UNC119B: variants seen among roughly 807,000 people sequenced by gnomAD.
The protein encoded by UNC119B is protein unc-119 homolog B.
A neutral mutation model predicts 23.4 loss-of-function variants in UNC119B; 16 were observed. The ratio of observed to expected loss-of-function variants is 0.68; its 90% CI spans 0.46 to 1.04. The LOEUF is 1.04. UNC119B is among the 50% of genes least tolerant of loss of function. UNC119B has a pLI of 0.00. For synonymous variants in UNC119B, 144 were observed against 145.4 expected, an observed-to-expected ratio of 0.99 and a Z score of 0.07; for missense variants, 350 against 361.3, an observed-to-expected ratio of 0.97 and a Z score of 0.25.
Position 120,721,460 on chromosome 12 carries a change from G to A in UNC119B, c.*1428G>A, listed in dbSNP as rs1282006028. On this transcript the variant is annotated 3_prime_UTR_variant, in exon 5 of 5. Coordinates refer to ENST00000344651, the MANE Select transcript of UNC119B (RefSeq NM_001080533.3). ...TGAGGTGTCACAGTACCTGTGACAG[G>A]AGAGTGTCCTGATGTGCTTGGGAGA... 1.3e-5 allele frequency: 2 copies of A among 152,388 alleles called. No homozygotes were observed. The highest frequency in any genetic ancestry group is 3.9e-4 in the East Asian group (2 of 5,186). The allele number at this position is 152,388 out of a possible 1,614,324, so 9.4% of individuals were successfully genotyped here. A position where few individuals can be genotyped will look rare whatever the true frequency, so the allele number is the denominator to read the frequency against.
intron 1 of UNC119B, chr12:120,711,064 A>C: frequency 2.8e-5 from 5 of 179,206 alleles, no homozygotes; most frequent in East Asian, 1.4e-4. Flanking sequence ...TCCCCTAATA[A>C]ATGGGCCCCT....
chr12:120,719,311 G>T (rs1443363393), intron 4 of UNC119B, among the ~76,000 whole-genome samples: 2 of 152,214 alleles, frequency 1.3e-5, no homozygotes, highest in African/African-American at 2.4e-5. Context: ...CTGGGCAATT[G>T]CCTGAACAAA....
At chr12:120,715,808 C>A (rs950003918) in intron 2 of UNC119B, among the ~76,000 whole-genome samples, 1 of 152,158 alleles carries the variant, frequency 6.6e-6, no homozygotes, top group Non-Finnish European at 1.5e-5. Context: ...GCTGGGATTA[C>A]AGGCATGAGC....
rs1042292778 is a variant in UNC119B at position 120,710,772 on chromosome 12, G to T, written c.244+54G>T. 2.3e-5 allele frequency: 30 copies of T among 1,283,082 alleles called. No individual in the cohort carries two copies. In the South Asian group the frequency reaches 5.6e-4, roughly 24 times the overall value. 79.5% of individuals were successfully genotyped at this position (1,283,082 alleles called of 1,614,324 possible). On this transcript the variant is annotated intron_variant, in intron 1 of 4. Coordinates refer to ENST00000344651, the MANE Select transcript of UNC119B (RefSeq NM_001080533.3). Reference sequence around the variant, plus strand: ...CTCGCGCCGTGCCCCGGCTCCCGGAGCCTTCAGCGGACCCGGCCACTTGAC... The same window carrying T: ...CTCGCGCCGTGCCCCGGCTCCCGGATCCTTCAGCGGACCCGGCCACTTGAC...
At position 120,710,953 on chromosome 12, in the gene UNC119B, A is replaced by G. The variant is rs1302739209; in HGVS notation, c.244+235A>G. On this transcript the variant is annotated intron_variant, in intron 1 of 4. Transcript: ENST00000344651. ...TTCCTGTGAGTCCGGCCACGCTAGG[A>G]TGCCCTTCGGCCGGTCGGCTCCCCA... The G allele has an allele frequency of 1.9e-5, 5 of 257,338 alleles. No homozygotes were observed. The East Asian group carries it at 3.2e-4, about 17-fold the overall frequency. 15.9% of individuals were successfully genotyped at this position (257,338 alleles called of 1,614,324 possible).
intron 1 of UNC119B, 57 bp downstream of exon 1, chr12:120,710,775 T>G: frequency 7.8e-7 from 1 of 1,281,800 alleles, no homozygotes; most frequent in Non-Finnish European, 9.9e-7. Context: ...TCCCGGAGCC[T>G]TCAGCGGACC....
chr12:120,714,571 GTC>G (rs1882732958), intron 2 of UNC119B, among the ~76,000 whole-genome samples: 1 of 151,652 alleles, frequency 6.6e-6, no homozygotes, highest in East Asian at 1.9e-4. Flanking sequence ...GCCTGCCTTG[GTC>G]TCCCAAAGTG....
At chr12:120,715,906 G>A (rs1447762489) in intron 2 of UNC119B, among the ~76,000 whole-genome samples, 3 of 152,180 alleles carry the variant, frequency 2.0e-5, no homozygotes, top group Non-Finnish European at 2.9e-5. Context: ...CATTAACCTT[G>A]TAGAGGCCAC....
At position 120,710,593 on chromosome 12, in the gene UNC119B, C is replaced by T; in HGVS notation, c.119C>T (p.Ala40Val). The change falls in exon 1 of 5, where the codon GCG (alanine) becomes GTG (valine). Residue 40 changes from alanine (A) to valine (V), a missense_variant. Transcript: ENST00000344651. ...GGCGGCGTCCTGAACCGCCTGAAGG[C>T]GCGGCGGCAGGCGCCCCACCACGCG... Reference protein sequence around the residue: ...AGGGVLNRLKARRQAPHHAAD... With the variant: ...AGGGVLNRLKVRRQAPHHAAD... 1.4e-6 allele frequency: 2 copies of T among 1,428,814 alleles called. No individual in the cohort carries two copies. Among genetic ancestry groups the T allele is most frequent in the Middle Eastern group, 2.5e-4 (1 of 4,044 alleles). 88.5% of individuals were successfully genotyped at this position (1,428,814 alleles called of 1,614,324 possible). A position where few individuals can be genotyped will look rare whatever the true frequency, so the allele number is the denominator to read the frequency against.
At chr12:120,719,786 C>G (rs1361108046) in intron 4 of UNC119B, 134 bp from the exon 5 acceptor site, 1 of 643,878 alleles carries the variant, frequency 1.6e-6, no homozygotes. Context: ...CTGACCTCAT[C>G]GTTATTCTGG....
In UNC119B at chr12:120,720,079, TC is replaced by T; in HGVS notation, c.*49del. 1 of 1,390,018 alleles carries T rather than the reference TC, an allele frequency of 7.2e-7. No homozygotes were observed. Among genetic ancestry groups the T allele is most frequent in the Non-Finnish European group, 1.0e-6 (1 of 979,582 alleles). 86.1% of individuals were successfully genotyped at this position (1,390,018 alleles called of 1,614,324 possible). A position where few individuals can be genotyped will look rare whatever the true frequency, so the allele number is the denominator to read the frequency against. On this transcript the variant is annotated 3_prime_UTR_variant, in exon 5 of 5. Coordinates refer to ENST00000344651, the MANE Select transcript of UNC119B (RefSeq NM_001080533.3). ...GAGGTGCTTTGCCGCGGCCACAAGA[TC>T]CTGGCACACGGAGATGATCGAAGCT...
Position 120,717,010 on chromosome 12 carries a change from T to C in UNC119B, c.611T>C (p.Ile204Thr), listed in dbSNP as rs1566020263. ...IPSSRNTCEH[I>T]YEFPQLSEDV... is the part of the protein sequence containing the mutation. ...AGCAGTAGGAACACTTGTGAACATA[T>C]CTATGAGTTTCCCCAGCTTTCGGAG... is the stretch of plus-strand genomic sequence containing the variant. The change falls in exon 4 of 5, where the codon ATC (isoleucine) becomes ACC (threonine). Residue 204 changes from isoleucine (I) to threonine (T), a missense_variant. Ile to Thr is a moderately conservative substitution (Grantham distance 89, BLOSUM62 -1). Coordinates refer to ENST00000344651, the MANE Select transcript of UNC119B (RefSeq NM_001080533.3). 1 of 1,606,780 alleles carries C rather than the reference T, an allele frequency of 6.2e-7. No homozygotes were observed.
intron 2 of UNC119B, among the ~76,000 whole-genome samples, chr12:120,715,500 T>A (rs1000254956): frequency 1.1e-4 from 16 of 147,856 alleles, no homozygotes; most frequent in African/African-American, 3.7e-4. Flanking sequence ...CTATTCACAT[T>A]AGAATGCTTG....
At chr12:120,710,827 G>C in intron 1 of UNC119B, 109 bp downstream of exon 1, 5 of 1,091,082 alleles carry the variant, frequency 4.6e-6, no homozygotes, top group Non-Finnish European at 5.8e-6. Context: ...AGACCCCCTC[G>C]GCCGGCCGGG....
chr12:120,714,599 T>C (rs569006173), intron 2 of UNC119B, among the ~76,000 whole-genome samples: 2 of 152,252 alleles, frequency 1.3e-5, no homozygotes, highest in Admixed American at 6.5e-5. Context: ...ATTACAAGCG[T>C]GAGCCACCGC....
rs1169842738 is a variant in UNC119B, at chr12:120,719,985, C to G, written c.709C>G (p.Leu237Val). ...CAGCTTCTACTTTGTTGACAACAAG[C>G]TGATAATGCACAACAAGGCTGATTA... Reference protein sequence around the residue: ...SDSFYFVDNKLIMHNKADYAY... With the variant: ...SDSFYFVDNKVIMHNKADYAY... Residue 237 changes from leucine to valine, a missense_variant, in exon 5 of 5, where the codon CTG becomes GTG. Coordinates refer to ENST00000344651, the MANE Select transcript of UNC119B (RefSeq NM_001080533.3). The G allele has an allele frequency of 1.2e-6, 2 of 1,614,140 alleles. No homozygotes were observed. Among genetic ancestry groups the G allele is most frequent in the East Asian group, 2.2e-5 (1 of 44,878 alleles).
rs1462485298 is a variant in UNC119B, at chr12:120,720,455, C to G, written c.*423C>G. 6.2e-6 allele frequency: 1 copy of G among 160,666 alleles called. No homozygotes were observed. The highest frequency in any genetic ancestry group is 1.4e-5 in the Non-Finnish European group (1 of 73,810). The allele number at this position is 160,666 out of a possible 1,614,324, so 10.0% of individuals were successfully genotyped here. A position where few individuals can be genotyped will look rare whatever the true frequency, so the allele number is the denominator to read the frequency against. On this transcript the variant is annotated 3_prime_UTR_variant, in exon 5 of 5. Coordinates refer to ENST00000344651, the MANE Select transcript of UNC119B (RefSeq NM_001080533.3). ...TGCTGTGGGAAGCTGAAAGGTAGGC[C>G]TCTTCCAGGTAGCTCCTCCTCTCAC...
In UNC119B at chr12:120,713,261, C is replaced by G; in HGVS notation, c.245-13C>G. The G allele has an allele frequency of 3.4e-6, 2 of 594,520 alleles. No homozygotes were observed. Among genetic ancestry groups the G allele is most frequent in the Non-Finnish European group, 4.7e-6 (2 of 425,978 alleles). 36.8% of individuals were successfully genotyped at this position (594,520 alleles called of 1,614,324 possible). On this transcript the variant is annotated splice_polypyrimidine_tract_variant and intron_variant, in intron 1 of 4. Coordinates refer to ENST00000344651, the MANE Select transcript of UNC119B (RefSeq NM_001080533.3). ...ATTATTTAACAGTGTTGGTTTCTCT[C>G]TCTTGTTTTCAGATTATTTATGTAA...
intron 4 of UNC119B, 133 bp downstream of exon 4, chr12:120,717,175 C>T: frequency 1.1e-6 from 1 of 875,454 alleles, no homozygotes; most frequent in Non-Finnish European, 1.7e-6. Context: ...AGTCATTTGA[C>T]CTCAGGCTTC....
Sources: allele counts gnomAD v4.1 joint callset (sites outside exome capture counted in the v4.1 genomes callset), GRCh38; gene constraint gnomAD v4.1.1; transcripts MANE v1.5; gene names NCBI Gene and HGNC (gene_info 2026-07-23, HGNC 2026-07-21).